SLC25A48: variants seen among roughly 807,000 people sequenced by gnomAD.
The protein encoded by SLC25A48 is CTC-321K16.1.
Under a neutral mutation model 32.2 loss-of-function variants are expected in SLC25A48, and 29 were observed. The ratio of observed to expected loss-of-function variants is 0.90; its 90% CI spans 0.67 to 1.23. The LOEUF (loss-of-function observed/expected upper bound fraction) is 1.23. SLC25A48 is among the 50% of genes most tolerant of loss of function. The pLI is 0.00. For missense variants in SLC25A48, 399 were observed against 422.7 expected, an observed-to-expected ratio of 0.94 and a Z score of 0.49; for synonymous variants, 164 against 172.3, an observed-to-expected ratio of 0.95 and a Z score of 0.38.
At chr5:135,632,858 T>C (rs1373188896) in intron 2 of SLC25A48, among the ~76,000 whole-genome samples, 1 of 152,162 alleles carries the variant, frequency 6.6e-6, no homozygotes, top group Non-Finnish European at 1.5e-5. Flanking sequence ...AGTGTTGAGG[T>C]ATTGATAGGC....
chr5:135,745,452 G>A (rs1755616930), intron 3 of SLC25A48, among the ~76,000 whole-genome samples: 1 of 152,170 alleles, frequency 6.6e-6, no homozygotes. Context: ...GTGCTGCAGA[G>A]ATTTTGTTTA....
At chr5:135,586,045 A>G (rs1312570789) in intron 1 of SLC25A48, among the ~76,000 whole-genome samples, 3 of 152,240 alleles carry the variant, frequency 2.0e-5, no homozygotes, top group Non-Finnish European at 4.4e-5. Context: ...TAATTTTCAT[A>G]ACCACACAAA....
chr5:135,795,895 CG>C (rs1436575702), intron 3 of SLC25A48, among the ~76,000 whole-genome samples: 1 of 88,886 alleles, frequency 1.1e-5, no homozygotes, highest in Admixed American at 1.5e-4. Flanking sequence ...ATATCCGTGG[CG>C]GGGGTGGGGG....
At chr5:135,887,440 GA>G (rs1018732496) in intron 7 of SLC25A48, among the ~76,000 whole-genome samples, 2 of 151,198 alleles carry the variant, frequency 1.3e-5, no homozygotes, top group South Asian at 2.1e-4. Flanking sequence ...CCCTACAGGG[GA>G]AAAAATACAT....
At chr5:135,617,380 TTTTG>T (rs796679458) in intron 1 of SLC25A48, among the ~76,000 whole-genome samples, 8 of 152,132 alleles carry the variant, frequency 5.3e-5, no homozygotes, top group African/African-American at 1.9e-4. Flanking sequence ...GATATATCAA[TTTTG>T]TTTATTTGTT....
intron 4 of SLC25A48, among the ~76,000 whole-genome samples, chr5:135,866,548 T>C (rs1263694706): frequency 2.0e-5 from 3 of 152,162 alleles, no homozygotes; most frequent in African/African-American, 7.2e-5. Context: ...CCCTAAGAGA[T>C]GGCTGTATTG....
intron 4 of SLC25A48, among the ~76,000 whole-genome samples, chr5:135,816,092 G>A (rs68156920): frequency 0.061 from 9,306 of 152,164 alleles, 573 homozygotes; most frequent in East Asian, 0.36. Context: ...GAGAGAGAGC[G>A]TGCAGGGAAA....
intron 3 of SLC25A48, among the ~76,000 whole-genome samples, chr5:135,767,038 C>T (rs1052092554): frequency 6.6e-6 from 1 of 151,722 alleles, no homozygotes; most frequent in African/African-American, 2.4e-5. Context: ...TTGGTGTGTA[C>T]ATCCCCCTGT....
chr5:135,772,379 C>A (rs2126610526), intron 3 of SLC25A48, among the ~76,000 whole-genome samples: 1 of 151,694 alleles, frequency 6.6e-6, no homozygotes, highest in East Asian at 1.9e-4. Context: ...TGTGTACACT[C>A]CCCTATGATA....
intron 3 of SLC25A48, among the ~76,000 whole-genome samples, chr5:135,639,274 G>A (rs1248284887): frequency 1.3e-5 from 2 of 152,294 alleles, no homozygotes; most frequent in African/African-American, 2.4e-5. Flanking sequence ...GTACAGCAAG[G>A]GAGATGCCAG....
Position 135,781,447 on chromosome 5 carries a change from T to A in SLC25A48, c.-520-31076T>A, listed in dbSNP as rs1194168657. Reference sequence around the variant, plus strand: ...CAAGAGGTGCACAACCCTTTTGTGATATTGTTTGTAATATCCAGGAAGGGA... The same window carrying A: ...CAAGAGGTGCACAACCCTTTTGTGAAATTGTTTGTAATATCCAGGAAGGGA... On this transcript the variant is annotated intron_variant, in intron 3 of 10. Coordinates refer to the SLC25A48 transcript ENST00000646290. Among the ~76,000 whole-genome samples the A allele has an allele frequency of 1.4e-4, 17 of 117,484 alleles. 3 individuals are homozygous for A. The highest frequency in any genetic ancestry group is 3.4e-4 in the African/African-American group (13 of 38,618). The allele number at this position is 117,484 out of a possible 152,430, so 77.1% of individuals were successfully genotyped here. A position where few individuals can be genotyped will look rare whatever the true frequency, so the allele number is the denominator to read the frequency against.
intron 7 of SLC25A48, among the ~76,000 whole-genome samples, chr5:135,887,477 T>TACAC (rs200157594): frequency 6.6e-6 from 1 of 151,018 alleles, no homozygotes; most frequent in Admixed American, 6.6e-5. Flanking sequence ...TGTGTACATA[T>TACAC]ACACACACAC....
At chr5:135,579,847 C>A (rs1460852051) in intron 1 of SLC25A48, among the ~76,000 whole-genome samples, 1 of 152,134 alleles carries the variant, frequency 6.6e-6, no homozygotes, top group African/African-American at 2.4e-5. Context: ...TGCCAGAATG[C>A]GAGGTATAGT....
intron 3 of SLC25A48, among the ~76,000 whole-genome samples, chr5:135,751,420 A>G (rs1429148710): frequency 6.6e-6 from 1 of 152,136 alleles, no homozygotes; most frequent in East Asian, 1.9e-4. Context: ...CACAGACTGA[A>G]ACTCCACCGT....
chr5:135,883,051 C>CT, intron 7 of SLC25A48: 1 of 985,418 alleles, frequency 1.0e-6, no homozygotes, highest in Non-Finnish European at 1.2e-6. Flanking sequence ...GTCTTTCCTC[C>CT]TTTTTCCCAG....
intron 4 of SLC25A48, among the ~76,000 whole-genome samples, chr5:135,853,213 G>T (rs1372678771): frequency 2.6e-5 from 4 of 152,206 alleles, no homozygotes; most frequent in African/African-American, 7.2e-5. Flanking sequence ...GGAGGGTCTT[G>T]CCTCGATGTT....
At chr5:135,623,273 G>T (rs1214602202) in intron 1 of SLC25A48, among the ~76,000 whole-genome samples, 2 of 152,168 alleles carry the variant, frequency 1.3e-5, no homozygotes, top group African/African-American at 2.4e-5. Flanking sequence ...GCTAAGCTTT[G>T]TCTCCTCTTA....
chr5:135,731,228 G>T (rs544665136), intron 3 of SLC25A48, among the ~76,000 whole-genome samples: 1 of 152,272 alleles, frequency 6.6e-6, no homozygotes, highest in Non-Finnish European at 1.5e-5. Context: ...GGGAGATTTT[G>T]AGCCAGAAGG....
intron 3 of SLC25A48, among the ~76,000 whole-genome samples, chr5:135,728,438 C>CT (rs1755143748): frequency 6.6e-6 from 1 of 152,042 alleles, no homozygotes; most frequent in African/African-American, 2.4e-5. Flanking sequence ...TATGATGACC[C>CT]TTTTTCCGTG....
Sources: gnomAD v4.1 joint callset for allele counts (sites outside exome capture counted in the v4.1 genomes callset) on GRCh38, gnomAD v4.1.1 for gene constraint, MANE v1.5 for transcripts, NCBI Gene and HGNC (gene_info 2026-07-23, HGNC 2026-07-21) for gene names.